The following ERBB4 variants were observed in gnomAD, a reference collection of about 807,000 sequenced individuals.
ERBB4 encodes receptor tyrosine-protein kinase erbB-4.
A neutral mutation model predicts 158.0 loss-of-function variants in ERBB4; 42 were observed. The ratio of observed to expected loss-of-function variants is 0.27; its 90% CI spans 0.21 to 0.34. The LOEUF (loss-of-function observed/expected upper bound fraction) is 0.34, where lower values mean the gene tolerates loss of function less well. Among genes scored for constraint, ERBB4 ranks in the 10% least tolerant of loss-of-function variants. The pLI, the probability that ERBB4 is intolerant of heterozygous loss-of-function variation, is 1.00. For missense variants in ERBB4, 1,333 were observed against 1,624.1 expected (o/e 0.82, Z 3.08); for synonymous variants, 583 against 558.7 (o/e 1.04, Z -0.61).
chr2:212,484,626 A>G (rs1689881782), intron 1 of ERBB4, among the ~76,000 whole-genome samples: 1 of 152,216 alleles, frequency 6.6e-6, no homozygotes, highest in Non-Finnish European at 1.5e-5. Context: ...AAACAAACAA[A>G]CAAAAACCTC....
At chr2:212,385,529 A>G (rs2090648036) in intron 1 of ERBB4, among the ~76,000 whole-genome samples, 1 of 151,892 alleles carries the variant, frequency 6.6e-6, no homozygotes, top group Non-Finnish European at 1.5e-5. Context: ...TCTTCTTGAT[A>G]TAAACCAAAA....
intron 12 of ERBB4, among the ~76,000 whole-genome samples, chr2:211,689,932 C>T (rs952508297): frequency 6.6e-6 from 1 of 151,202 alleles, no homozygotes; most frequent in African/African-American, 2.4e-5. Flanking sequence ...GTATTGATCA[C>T]TTTTGTTTTC....
At chr2:211,852,036 T>C (rs2077733286) in intron 3 of ERBB4, among the ~76,000 whole-genome samples, 1 of 151,974 alleles carries the variant, frequency 6.6e-6, no homozygotes, top group Non-Finnish European at 1.5e-5. Context: ...TTTATATCAC[T>C]ATTGTCATTA....
At chr2:211,487,335 T>C (rs1204397104) in intron 20 of ERBB4, among the ~76,000 whole-genome samples, 1 of 151,762 alleles carries the variant, frequency 6.6e-6, no homozygotes, top group Non-Finnish European at 1.5e-5. Flanking sequence ...TGACTATTTA[T>C]GTACTATGTT....
At chr2:211,440,763 G>T (rs186560457) in intron 20 of ERBB4, among the ~76,000 whole-genome samples, 1 of 152,206 alleles carries the variant, frequency 6.6e-6, no homozygotes, top group Admixed American at 6.5e-5. Context: ...AGGTGGTTGA[G>T]TTTATTTATA....
intron 3 of ERBB4, among the ~76,000 whole-genome samples, chr2:211,834,885 CA>C (rs1034185486): frequency 2.0e-5 from 3 of 152,028 alleles, no homozygotes; most frequent in Non-Finnish European, 4.4e-5. Context: ...TAAAGTCTCC[CA>C]GGGGGACCAA....
chr2:211,425,218 T>C (rs1284272250), intron 22 of ERBB4, among the ~76,000 whole-genome samples: 2 of 152,138 alleles, frequency 1.3e-5, no homozygotes, highest in Non-Finnish European at 2.9e-5. Context: ...TATACAGTCA[T>C]CTTTCAGTAT....
intron 20 of ERBB4, among the ~76,000 whole-genome samples, chr2:211,513,012 AT>A (rs1248195440): frequency 6.6e-6 from 1 of 152,018 alleles, no homozygotes; most frequent in Non-Finnish European, 1.5e-5. Context: ...CAGTATTCTG[AT>A]TTGAGCAGAG....
chr2:211,875,460 G>A (rs1216141443), intron 3 of ERBB4, among the ~76,000 whole-genome samples: 2 of 152,058 alleles, frequency 1.3e-5, no homozygotes, highest in Non-Finnish European at 2.9e-5. Flanking sequence ...TGAAGAAGAA[G>A]AAACAAGTAC....
intron 3 of ERBB4, among the ~76,000 whole-genome samples, chr2:211,911,815 TC>T (rs1465513470): frequency 1.4e-5 from 2 of 144,570 alleles, no homozygotes; most frequent in African/African-American, 5.4e-5. Context: ...GAGGTTTTAT[TC>T]TTTTCTTTTT....
At chr2:211,463,968 T>C (rs1347912225) in intron 20 of ERBB4, among the ~76,000 whole-genome samples, 2 of 152,126 alleles carry the variant, frequency 1.3e-5, no homozygotes, top group Non-Finnish European at 2.9e-5. Context: ...GATTTTGCAT[T>C]TGTTCTTCCT....
chr2:211,667,437 G>C (rs2071672907), intron 14 of ERBB4, among the ~76,000 whole-genome samples: 1 of 146,236 alleles, frequency 6.8e-6, no homozygotes, highest in Non-Finnish European at 1.5e-5. Flanking sequence ...GTGAGGCTCA[G>C]AGCTCGAAAA....
At chr2:212,301,371 A>T (rs188401637) in intron 1 of ERBB4, among the ~76,000 whole-genome samples, 34 of 151,544 alleles carry the variant, frequency 2.2e-4, no homozygotes, top group Admixed American at 2.0e-3. Context: ...TAACCTGAAA[A>T]TTTTAAATAG....
At chr2:211,574,462 G>A (rs2067833485) in intron 19 of ERBB4, among the ~76,000 whole-genome samples, 1 of 152,168 alleles carries the variant, frequency 6.6e-6, no homozygotes, top group Non-Finnish European at 1.5e-5. Context: ...GTAGATAATA[G>A]AGATCAGGAT....
intron 13 of ERBB4, among the ~76,000 whole-genome samples, chr2:211,677,656 C>T (rs1294559944): frequency 2.6e-5 from 4 of 151,414 alleles, no homozygotes; most frequent in African/African-American, 4.8e-5. Context: ...AGGTGGATCA[C>T]GAGGTCAGGA....
chr2:212,430,355 A>C (rs1277867389), intron 1 of ERBB4, among the ~76,000 whole-genome samples: 1 of 152,212 alleles, frequency 6.6e-6, no homozygotes, highest in African/African-American at 2.4e-5. Context: ...GTTAATAAAG[A>C]GAAATTCCAT....
At chr2:211,641,183 AG>A (rs1308061298) in intron 16 of ERBB4, among the ~76,000 whole-genome samples, 2 of 152,080 alleles carry the variant, frequency 1.3e-5, no homozygotes, top group African/African-American at 4.8e-5. Context: ...AAGTTTTTCT[AG>A]TACTTTATTT....
intron 20 of ERBB4, among the ~76,000 whole-genome samples, chr2:211,480,757 A>G (rs1182837187): frequency 6.6e-6 from 1 of 152,088 alleles, no homozygotes; most frequent in Non-Finnish European, 1.5e-5. Context: ...CCACCAAATG[A>G]TAGGGAGTGA....
chr2:212,367,743 A>T (rs1451568978), intron 1 of ERBB4, among the ~76,000 whole-genome samples: 1 of 152,114 alleles, frequency 6.6e-6, no homozygotes, highest in Non-Finnish European at 1.5e-5. Context: ...GTAAGAAAAA[A>T]GTAAACATTC....
Sources: allele counts gnomAD v4.1 joint callset (sites outside exome capture counted in the v4.1 genomes callset), GRCh38; gene constraint gnomAD v4.1.1; transcripts MANE v1.5; gene names NCBI Gene and HGNC (gene_info 2026-07-23, HGNC 2026-07-21).